TRIM62: variants seen among roughly 807,000 people sequenced by gnomAD.
TRIM62 encodes the protein E3 ubiquitin-protein ligase TRIM62.
TRIM62 carries 39 observed loss-of-function variants against 44.2 expected under a neutral mutation model. The observed-to-expected ratio is 0.88, with a 90% CI of 0.68 to 1.15. The LOEUF is 1.15. Ranked by LOEUF, TRIM62 falls within the 50% of genes most tolerant of loss-of-function variation. The pLI, the probability that TRIM62 is intolerant of heterozygous loss-of-function variation, is 0.00. For missense variants in TRIM62, 544 were observed against 665.5 expected (o/e 0.82, Z 2.01); for synonymous variants, 278 against 292.3 (o/e 0.95, Z 0.50).
intron 1 of TRIM62, among the ~76,000 whole-genome samples, chr1:33,179,915 GT>G (rs11343900): frequency 0.19 from 29,362 of 152,170 alleles, 3,147 homozygotes; most frequent in South Asian, 0.28. Context: ...CTCCAAGGGG[GT>G]GGGTATAAAA....
chr1:33,150,513 T>TAC (rs1645081606), intron 4 of TRIM62, among the ~76,000 whole-genome samples: 1 of 152,224 alleles, frequency 6.6e-6, no homozygotes, highest in South Asian at 2.1e-4. Flanking sequence ...CCTTTGGACT[T>TAC]AGAGGGCTGT....
At position 33,181,042 on chromosome 1, in the gene TRIM62, C is replaced by T; in HGVS notation, c.391G>A (p.Ala131Thr). The part of the protein sequence containing the change: ...EQHQVTGIDD[A>T]FDELQRELKD... ...TAGCGCACCTGCAGCTCGTCGAAGGCGTCGTCGATGCCGGTGACCTGATGC... is the reference window on the plus strand; with the variant it reads ...TAGCGCACCTGCAGCTCGTCGAAGGTGTCGTCGATGCCGGTGACCTGATGC... The change falls in exon 1 of 5, where the codon GCC becomes ACC. Residue 131 changes from alanine (A) to threonine (T), a missense_variant. By Grantham distance (58) the Ala-to-Thr change is moderately conservative. Coordinates refer to ENST00000291416, the MANE Select transcript of TRIM62 (RefSeq NM_018207.3). This position sits in a 1 kb window ranked among gnomAD's most constrained non-coding sequence, Gnocchi z 6.5. 6.6e-7 allele frequency: 1 copy of T among 1,503,808 alleles called. No homozygotes were observed. Among genetic ancestry groups the T allele is most frequent in the Non-Finnish European group, 8.9e-7 (1 of 1,122,262 alleles). 93.2% of individuals were successfully genotyped at this position (1,503,808 alleles called of 1,614,324 possible).
chr1:33,159,606 C>T lies in TRIM62; in HGVS notation c.761+82G>A. 6.7e-7 allele frequency: 1 copy of T among 1,494,940 alleles called. No homozygotes were observed. The highest frequency in any genetic ancestry group is 8.9e-7 in the Non-Finnish European group (1 of 1,121,748). The allele number at this position is 1,494,940 out of a possible 1,614,324, so 92.6% of individuals were successfully genotyped here. On this transcript the variant is annotated intron_variant, in intron 3 of 4. Transcript: ENST00000291416. This position sits in a 1 kb window ranked among gnomAD's most constrained non-coding sequence, Gnocchi z 4.2. Reference sequence around the variant, plus strand: ...ATGAAAGAATTCTCTGCTAAGGATCCCATCTGCCTCCACTCCCACTGCCCA... The same window carrying T: ...ATGAAAGAATTCTCTGCTAAGGATCTCATCTGCCTCCACTCCCACTGCCCA...
In TRIM62 at chr1:33,169,778, C is replaced by T. The variant is rs79541913; in HGVS notation, c.409-4212G>A. 3.2e-3 allele frequency among the ~76,000 whole-genome samples: 488 copies of T among 152,316 alleles called. 19 individuals carry two copies. In the East Asian group the frequency reaches 0.084, roughly 26 times the overall value. ...CACTGGCCACATTTCAAGTGCTTGC[C>T]AGCCACCTGGGCTGCTGTATCAGAC... On this transcript the variant is annotated intron_variant, in intron 1 of 4. Coordinates refer to ENST00000291416, the MANE Select transcript of TRIM62 (RefSeq NM_018207.3).
chr1:33,174,133 TCTTCTCC>T (rs1457908086), intron 1 of TRIM62, among the ~76,000 whole-genome samples: 1 of 150,182 alleles, frequency 6.7e-6, no homozygotes, highest in African/African-American at 2.4e-5. Context: ...TCTTCCCCCT[TCTTCTCC>T]CTTCTCCCTT....
chr1:33,168,912 G>A (rs1645351425), intron 1 of TRIM62, among the ~76,000 whole-genome samples: 1 of 152,202 alleles, frequency 6.6e-6, no homozygotes, highest in South Asian at 2.1e-4. Context: ...CTGCCTTGGA[G>A]TCTGCCTTCC....
rs1396709636 is a variant in TRIM62, at chr1:33,177,061, A to G, written c.408+3964T>C. Among the ~76,000 whole-genome samples the G allele has an allele frequency of 1.6e-5, 1 of 64,070 alleles. No individual in the cohort carries two copies. 42.0% of individuals were successfully genotyped at this position (64,070 alleles called of 152,430 possible). ...CATGCACACACACACGCACACACAC[A>G]CACATGCACACACACACATGCATGC... On this transcript the variant is annotated intron_variant, in intron 1 of 4. Transcript: ENST00000291416. The surrounding 1 kb of genome is among the most constrained non-coding windows in gnomAD (Gnocchi z 4.1).
intron 1 of TRIM62, chr1:33,176,639 A>T: frequency 2.0e-6 from 1 of 488,018 alleles, no homozygotes. Flanking sequence ...CAGATGGCCT[A>T]GCCCTGTCAA....
At chr1:33,180,963 C>G in intron 1 of TRIM62, 62 bp downstream of exon 1, 1 of 575,234 alleles carries the variant, frequency 1.7e-6, no homozygotes. Context: ...TGACCCCACC[C>G]CCCGCCCGGC....
rs957051750 is a variant in TRIM62 at position 33,161,265 on chromosome 1, A to G, written c.505-1321T>C. On this transcript the variant is annotated intron_variant, in intron 2 of 4. Transcript: ENST00000291416. The surrounding 1 kb of genome is among the most constrained non-coding windows in gnomAD (Gnocchi z 4.3). ...AGCCGGGGCCTGAGGGATGGGCAGG[A>G]TGTCAGTTGGGGGTCAGGGGAACAG... Among the ~76,000 whole-genome samples, 1 of 152,114 alleles carries G rather than the reference A, an allele frequency of 6.6e-6. No homozygotes were observed. The highest frequency in any genetic ancestry group is 6.5e-5 in the Admixed American group (1 of 15,282).
intron 2 of TRIM62, chr1:33,163,881 G>A (rs957736724): frequency 2.0e-5 from 3 of 152,836 alleles, no homozygotes; most frequent in African/African-American, 4.8e-5. Context: ...GGGGGAACTC[G>A]AGGGGGATGT....
chr1:33,166,006 C>T (rs75896326), intron 1 of TRIM62: 2,573 of 153,272 alleles, frequency 0.017, 48 homozygotes, highest in African/African-American at 0.033. Flanking sequence ...TATTTGCAGC[C>T]GCTCCTCATC....
chr1:33,151,188 G>A lies in TRIM62; in HGVS notation c.878-3461C>T, dbSNP rs188046055. On this transcript the variant is annotated intron_variant, in intron 4 of 4. Transcript: ENST00000291416. ...TAGACAAAGATAAGCCTGCAGATTG[G>A]AGGAAATCCTGACCCAGTGAATGCC... 1.3e-3 allele frequency among the ~76,000 whole-genome samples: 201 copies of A among 152,222 alleles called. 7 individuals are homozygous for A. Among genetic ancestry groups the A allele is most frequent in the Admixed American group, 0.011 (166 of 15,300 alleles).
intron 1 of TRIM62, among the ~76,000 whole-genome samples, chr1:33,168,256 T>G (rs756867434): frequency 6.6e-6 from 1 of 152,086 alleles, no homozygotes; most frequent in Non-Finnish European, 1.5e-5. Context: ...GAGGCAACTG[T>G]AAAGACCAAA....
chr1:33,147,850 C>T lies in TRIM62; in HGVS notation c.878-123G>A. ...GGAGGCCTCTGACCTGCTGTGTGAC[C>T]TTGAATACAAGTCTGCCCTCTCTGG... On this transcript the variant is annotated intron_variant, in intron 4 of 4. Coordinates refer to ENST00000291416, the MANE Select transcript of TRIM62 (RefSeq NM_018207.3). The surrounding 1 kb of genome is among the most constrained non-coding windows in gnomAD (Gnocchi z 8.1). The T allele has an allele frequency of 3.6e-6, 4 of 1,099,290 alleles. No individual in the cohort carries two copies. Among genetic ancestry groups the T allele is most frequent in the Non-Finnish European group, 5.1e-6 (4 of 778,632 alleles). The allele number at this position is 1,099,290 out of a possible 1,614,324, so 68.1% of individuals were successfully genotyped here.
At chr1:33,149,240 C>T (rs2124711189) in intron 4 of TRIM62, among the ~76,000 whole-genome samples, 1 of 152,340 alleles carries the variant, frequency 6.6e-6, no homozygotes. Context: ...GCAACCTCCA[C>T]CTCCCAGGTT....
At chr1:33,171,590 G>T (rs1645375074) in intron 1 of TRIM62, among the ~76,000 whole-genome samples, 1 of 152,146 alleles carries the variant, frequency 6.6e-6, no homozygotes, top group Non-Finnish European at 1.5e-5. Flanking sequence ...CGCTCCAGGG[G>T]TGGGCCTATA....
rs1645013709 is a variant in TRIM62, at chr1:33,145,695, T to A, written c.*1482A>T. ...GTCAAGGCCGGGGAGACATTTAGGC[T>A]CAGTCTTGCAGCCCACTCCTCCAGT... On this transcript the variant is annotated 3_prime_UTR_variant, in exon 5 of 5. Transcript: ENST00000291416. 5.8e-6 allele frequency: 2 copies of A among 345,494 alleles called. No homozygotes were observed. Among genetic ancestry groups the A allele is most frequent in the Non-Finnish European group, 1.2e-5 (2 of 172,414 alleles). The allele number at this position is 345,494 out of a possible 1,614,324, so 21.4% of individuals were successfully genotyped here.
At chr1:33,160,718 T>A (rs556323088) in intron 2 of TRIM62, among the ~76,000 whole-genome samples, 4 of 152,244 alleles carry the variant, frequency 2.6e-5, no homozygotes, top group African/African-American at 7.2e-5. Context: ...GTCTTTATTT[T>A]AAAAAAATCA....
Sources: gnomAD v4.1 joint callset for allele counts (sites outside exome capture counted in the v4.1 genomes callset) on GRCh38, gnomAD v4.1.1 for gene constraint, Gnocchi (gnomAD v3.1) non-coding constraint, MANE v1.5 for transcripts, NCBI Gene and HGNC (gene_info 2026-07-23, HGNC 2026-07-21) for gene names.